DOCK1: variants seen among roughly 807,000 people sequenced by gnomAD.
The protein encoded by DOCK1 is dedicator of cytokinesis 1.
A neutral mutation model predicts 262.7 loss-of-function variants in DOCK1; 138 were observed. The observed-to-expected ratio is 0.53, with a 90% CI of 0.46 to 0.61. DOCK1 has a LOEUF of 0.61. Ranked by LOEUF, DOCK1 falls within the 20% of genes least tolerant of loss-of-function variation. The pLI is 0.00. For synonymous variants in DOCK1, 866 were observed against 867.4 expected (o/e 1.00, Z 0.03); for missense variants, 1,908 against 2,370.7 (o/e 0.80, Z 4.05).
intron 35 of DOCK1, among the ~76,000 whole-genome samples, chr10:127,378,332 T>C (rs924211735): frequency 6.6e-6 from 1 of 152,060 alleles, no homozygotes; most frequent in African/African-American, 2.4e-5. Context: ...TGGATTGGAG[T>C]TGGGGGGCCG....
chr10:127,281,265 AAAG>A (rs1309409316), intron 29 of DOCK1, among the ~76,000 whole-genome samples: 1 of 152,250 alleles, frequency 6.6e-6, no homozygotes, highest in Non-Finnish European at 1.5e-5. Context: ...AGTTAGCAAG[AAAG>A]AAGGATTAGC....
At chr10:126,970,817 C>T (rs768907342) in intron 2 of DOCK1, 32 bp downstream of exon 2, 24 of 1,601,650 alleles carry the variant, frequency 1.5e-5, no homozygotes, top group Admixed American at 5.1e-5. Context: ...TTTTCTCTTA[C>T]ATTTTGGGCA....
chr10:127,424,044 A>C (rs2068667633), intron 46 of DOCK1, among the ~76,000 whole-genome samples: 1 of 152,176 alleles, frequency 6.6e-6, no homozygotes, highest in African/African-American at 2.4e-5. Flanking sequence ...ACTCAACTAC[A>C]GGGTCTCCAG....
chr10:127,085,435 G>T (rs2047138916), intron 23 of DOCK1, among the ~76,000 whole-genome samples: 1 of 152,176 alleles, frequency 6.6e-6, no homozygotes, highest in South Asian at 2.1e-4. Flanking sequence ...AATACCCACT[G>T]CTGTTTATTA....
chr10:127,220,348 C>T (rs2058379744), intron 27 of DOCK1, among the ~76,000 whole-genome samples: 1 of 151,842 alleles, frequency 6.6e-6, no homozygotes, highest in African/African-American at 2.4e-5. Context: ...AACCAGGAGG[C>T]CCAGGGACGT....
chr10:127,145,492 T>A (rs2051724840), intron 27 of DOCK1, among the ~76,000 whole-genome samples: 2 of 152,150 alleles, frequency 1.3e-5, no homozygotes, highest in African/African-American at 4.8e-5. Flanking sequence ...TGACAGAAAC[T>A]GTGTTATAAC....
At chr10:127,438,238 A>T (rs1466559719) in intron 48 of DOCK1, among the ~76,000 whole-genome samples, 1 of 152,224 alleles carries the variant, frequency 6.6e-6, no homozygotes, top group Non-Finnish European at 1.5e-5. Flanking sequence ...TGGAGTGACA[A>T]ATCACAATCA....
chr10:126,967,187 G>A (rs1037869214), intron 1 of DOCK1, among the ~76,000 whole-genome samples: 8 of 152,170 alleles, frequency 5.3e-5, no homozygotes, highest in Non-Finnish European at 1.0e-4. Flanking sequence ...CATATGTCAG[G>A]TGACAACATC....
chr10:127,179,060 G>A (rs2055464115), intron 27 of DOCK1, among the ~76,000 whole-genome samples: 1 of 152,158 alleles, frequency 6.6e-6, no homozygotes, highest in Non-Finnish European at 1.5e-5. Context: ...TTGAAAGAGA[G>A]AGCATTTTTA....
At chr10:127,198,848 A>G (rs2057332538) in intron 27 of DOCK1, among the ~76,000 whole-genome samples, 1 of 151,042 alleles carries the variant, frequency 6.6e-6, no homozygotes, top group Admixed American at 6.6e-5. Flanking sequence ...GCCTCACCTT[A>G]CCTTTGGCTC....
chr10:127,239,075 G>T (rs1277910299), intron 27 of DOCK1, among the ~76,000 whole-genome samples: 1 of 152,196 alleles, frequency 6.6e-6, no homozygotes, highest in Non-Finnish European at 1.5e-5. Context: ...GACAGGTACA[G>T]GGCTACTGCA....
At chr10:127,199,822 G>T (rs1047103485) in intron 27 of DOCK1, among the ~76,000 whole-genome samples, 3 of 152,176 alleles carry the variant, frequency 2.0e-5, no homozygotes, top group African/African-American at 7.2e-5. Flanking sequence ...TCATTTGTCT[G>T]AGCATCATCA....
intron 1 of DOCK1, among the ~76,000 whole-genome samples, chr10:126,922,209 C>CAAAA (rs1213635501): frequency 3.1e-5 from 2 of 63,944 alleles, no homozygotes; most frequent in Non-Finnish European, 5.9e-5. Context: ...GACCCTGTAT[C>CAAAA]AAAAAAAAAA....
At chr10:127,014,346 C>CT (rs925722219) in intron 12 of DOCK1, among the ~76,000 whole-genome samples, 1 of 152,222 alleles carries the variant, frequency 6.6e-6, no homozygotes, top group African/African-American at 2.4e-5. Flanking sequence ...CCCAAATGCA[C>CT]TTTTTTCTCC....
chr10:127,328,225 G>A (rs751156637), intron 29 of DOCK1, among the ~76,000 whole-genome samples: 4 of 152,054 alleles, frequency 2.6e-5, no homozygotes, highest in Non-Finnish European at 5.9e-5. Flanking sequence ...TCCATAGCAG[G>A]TCTTGAAAAT....
At chr10:127,006,374 T>C (rs143166553) in intron 10 of DOCK1, among the ~76,000 whole-genome samples, 1 of 152,358 alleles carries the variant, frequency 6.6e-6, no homozygotes, top group African/African-American at 2.4e-5. Context: ...GTGCCGTCTG[T>C]CTACCCGGCC....
chr10:127,071,693 A>T (rs2046243785), intron 23 of DOCK1, among the ~76,000 whole-genome samples: 1 of 152,294 alleles, frequency 6.6e-6, no homozygotes, highest in East Asian at 1.9e-4. Context: ...ATGTGCAATC[A>T]TTTGCTTAAT....
chr10:127,243,372 C>G (rs1019253780), intron 27 of DOCK1, among the ~76,000 whole-genome samples: 1 of 152,116 alleles, frequency 6.6e-6, no homozygotes, highest in East Asian at 1.9e-4. Flanking sequence ...ATTCAACTTG[C>G]CTGTCACTGA....
chr10:127,418,090 G>A (rs564499570), intron 44 of DOCK1, among the ~76,000 whole-genome samples: 8 of 152,228 alleles, frequency 5.3e-5, no homozygotes, highest in African/African-American at 1.4e-4. Context: ...TCAAGGCTGC[G>A]TGTTTTCCTG....
Sources: gnomAD v4.1 joint callset for allele counts (sites outside exome capture counted in the v4.1 genomes callset) on GRCh38, gnomAD v4.1.1 for gene constraint, MANE v1.5 for transcripts, NCBI Gene and HGNC (gene_info 2026-07-23, HGNC 2026-07-21) for gene names.